CCNB3: variants seen among roughly 807,000 people sequenced by gnomAD.
The protein encoded by CCNB3 is G2/mitotic-specific cyclin-B3.
In CCNB3, 12 loss-of-function variants were observed where a neutral mutation model predicts 68.0. The observed-to-expected ratio is 0.18, with a 90% CI of 0.11 to 0.29. CCNB3 has a LOEUF of 0.29. Among genes scored for constraint, CCNB3 ranks in the 10% least tolerant of loss-of-function variants. The pLI, the probability that CCNB3 is intolerant of heterozygous loss-of-function variation, is 1.00. For synonymous variants in CCNB3, 354 were observed against 388.9 expected (o/e 0.91, Z 1.06); for missense variants, 904 against 993.1 (o/e 0.91, Z 1.21).
At position 50,225,195 on chromosome X, in the gene CCNB3, C is replaced by T. The variant is rs1307332211; in HGVS notation, c.-113+20245C>T. ...AGGGAAGGCCTCTCTGAAGAGGGGA[C>T]GTTTAAGCTGAGACTTGATCCTTGA... On this transcript the variant is annotated intron_variant, in intron 1 of 12. Transcript: ENST00000376042. Among the ~76,000 whole-genome samples the T allele has an allele frequency of 3.6e-5, 4 of 110,747 alleles. No homozygotes were observed. In the South Asian group the frequency reaches 1.2e-3, roughly 32 times the overall value.
chrX:50,343,849 C>G (rs186813723), intron 9 of CCNB3, among the ~76,000 whole-genome samples: 6 of 112,129 alleles, frequency 5.4e-5, no homozygotes, highest in Non-Finnish European at 1.1e-4. Flanking sequence ...TTACAGTAAG[C>G]TAAGGTTAAT....
At chrX:50,322,684 G>T (rs1465116957) in intron 8 of CCNB3, among the ~76,000 whole-genome samples, 2 of 111,925 alleles carry the variant, frequency 1.8e-5, no homozygotes, top group Non-Finnish European at 3.8e-5. Flanking sequence ...CTGACAAAGG[G>T]CTAATATCCA....
At chrX:50,313,991 T>C in intron 8 of CCNB3, 43 bp downstream of exon 8, 1 of 1,032,478 alleles carries the variant, frequency 9.7e-7, no homozygotes, top group Non-Finnish European at 1.4e-6. Flanking sequence ...CTGTTCTCTT[T>C]CTCATTCAGG....
At chrX:50,332,610 G>A (rs1922652089) in intron 8 of CCNB3, among the ~76,000 whole-genome samples, 1 of 111,388 alleles carries the variant, frequency 9.0e-6, no homozygotes, top group Non-Finnish European at 1.9e-5. Flanking sequence ...CTTTGCAGGG[G>A]TTGTCCAGGC....
chrX:50,279,221 C>G (rs1936022856), intron 1 of CCNB3, among the ~76,000 whole-genome samples: 1 of 53,583 alleles, frequency 1.9e-5, no homozygotes, highest in African/African-American at 8.6e-5. Flanking sequence ...TATATATATT[C>G]ATATATAAAT....
At position 50,311,149 on chromosome X, in the gene CCNB3, A is replaced by G. The variant is rs1557214863; in HGVS notation, c.2980A>G (p.Met994Val). The G allele has an allele frequency of 8.3e-7, 1 of 1,209,395 alleles. No individual in the cohort carries two copies. ...SITSKSSIAT[M>V]TSVGKSGTIN... ...AACCAGCAAGTCCAGCATTGCTACC[A>G]TGACCAGTGTGGGCAAATCTGGTAC... is the stretch of plus-strand genomic sequence containing the variant. Residue 994 changes from methionine to valine, a missense_variant, in exon 6 of 13, where the codon ATG becomes GTG. By Grantham distance (21) the Met-to-Val change is conservative (BLOSUM62 1). This residue lies in a region of CCNB3 where 285 missense variants were observed against 383.4 expected (regional missense o/e 0.74). Coordinates refer to ENST00000376042, the MANE Select transcript of CCNB3 (RefSeq NM_033031.3).
intron 1 of CCNB3, among the ~76,000 whole-genome samples, chrX:50,225,704 C>A (rs1935743542): frequency 9.2e-6 from 1 of 109,257 alleles, no homozygotes; most frequent in African/African-American, 3.3e-5. Context: ...CGATACCCAG[C>A]TTTCTGGCTT....
intron 1 of CCNB3, among the ~76,000 whole-genome samples, chrX:50,282,838 T>G (rs1936164950): frequency 9.0e-6 from 1 of 111,438 alleles, no homozygotes; most frequent in Admixed American, 9.6e-5. Flanking sequence ...TCCGTATTTC[T>G]TTTTCCTTTT....
chrX:50,304,981 C>T (rs1382174292), intron 5 of CCNB3, among the ~76,000 whole-genome samples: 2 of 111,391 alleles, frequency 1.8e-5, no homozygotes, highest in African/African-American at 3.3e-5. Context: ...GTTAGAATGG[C>T]GATCATTAAA....
rs1373418754 is a variant in CCNB3 at position 50,347,531 on chromosome X, A to G, written c.3811-95A>G. Reference sequence around the variant, plus strand: ...AGGCACATTACTCAAACAGAGGGCCACTGAGGCTCGGGATGATGTAACTGG... The same window carrying G: ...AGGCACATTACTCAAACAGAGGGCCGCTGAGGCTCGGGATGATGTAACTGG... On this transcript the variant is annotated intron_variant, in intron 10 of 12. Coordinates refer to ENST00000376042, the MANE Select transcript of CCNB3 (RefSeq NM_033031.3). 8.0e-6 allele frequency: 7 copies of G among 879,676 alleles called. No individual in the cohort carries two copies. The Admixed American group carries it at 1.1e-4, about 13-fold the overall frequency. The allele number at this position is 879,676 out of a possible 1,213,427, so 72.5% of individuals were successfully genotyped here. A position where few individuals can be genotyped will look rare whatever the true frequency, so the allele number is the denominator to read the frequency against.
chrX:50,309,471 A>G lies in CCNB3; in HGVS notation c.1302A>G (p.Glu434=), dbSNP rs375406438. The change falls in exon 6 of 13, where the codon GAA becomes GAG. Residue 434 remains glutamate (E), a synonymous_variant. Coordinates refer to ENST00000376042, the MANE Select transcript of CCNB3 (RefSeq NM_033031.3). Reference sequence around the variant, plus strand: ...CTGAGAAGGAGTCCTTTTCCCAGGAACCATCTGCATTGCAAAAGAAGCACA... The same window carrying G: ...CTGAGAAGGAGTCCTTTTCCCAGGAGCCATCTGCATTGCAAAAGAAGCACA... ...PSTEKESFSQ[E]PSALQKKHTT... 4 of 1,211,697 alleles carry G rather than the reference A, an allele frequency of 3.3e-6. No homozygotes were observed. The South Asian group carries it at 7.0e-5, about 21-fold the overall frequency.
At chrX:50,335,239 G>A (rs948732886) in intron 8 of CCNB3, among the ~76,000 whole-genome samples, 16 of 112,140 alleles carry the variant, frequency 1.4e-4, no homozygotes, top group South Asian at 7.4e-4. Flanking sequence ...ACCTGACTCC[G>A]GATCTTCCCA....
At chrX:50,300,225 T>A (rs1462109236) in intron 5 of CCNB3, among the ~76,000 whole-genome samples, 1 of 111,568 alleles carries the variant, frequency 9.0e-6, no homozygotes, top group Non-Finnish European at 1.9e-5. Flanking sequence ...TTTCTTCCTA[T>A]CCTTGACGGT....
intron 8 of CCNB3, among the ~76,000 whole-genome samples, chrX:50,314,461 T>G (rs987768248): frequency 1.8e-5 from 2 of 111,793 alleles, no homozygotes; most frequent in East Asian, 5.6e-4. Flanking sequence ...TAGCATATAG[T>G]AGGGGGTCAG....
At chrX:50,323,492 A>C (rs1557216861) in intron 8 of CCNB3, among the ~76,000 whole-genome samples, 1 of 110,856 alleles carries the variant, frequency 9.0e-6, no homozygotes, top group East Asian at 2.9e-4. Context: ...GGTGCAGCAC[A>C]CCAACATGGC....
chrX:50,227,715 AAT>A (rs1935916561), intron 1 of CCNB3, among the ~76,000 whole-genome samples: 1 of 93,229 alleles, frequency 1.1e-5, no homozygotes, highest in Non-Finnish European at 2.1e-5. Context: ...TATATATATA[AAT>A]ATATAGAGAG....
At chrX:50,328,399 G>A (rs1342197562) in intron 8 of CCNB3, among the ~76,000 whole-genome samples, 1 of 112,028 alleles carries the variant, frequency 8.9e-6, no homozygotes, top group Non-Finnish European at 1.9e-5. Context: ...TGCAGAAGGT[G>A]AAGCAGGAGG....
chrX:50,347,587 C>G (rs781881557), intron 10 of CCNB3, 39 bp from the exon 11 acceptor site: 2 of 1,180,237 alleles, frequency 1.7e-6, no homozygotes, highest in African/African-American at 3.5e-5. Context: ...TGCCAGTTTT[C>G]TAAATTGATT....
intron 1 of CCNB3, among the ~76,000 whole-genome samples, chrX:50,205,313 G>A (rs189093752): frequency 1.8e-5 from 2 of 111,611 alleles, no homozygotes; most frequent in Middle Eastern, 4.7e-3. Flanking sequence ...GTGGTAGCGC[G>A]CGCCTGTAGT....
Sources: allele counts gnomAD v4.1 joint callset (sites outside exome capture counted in the v4.1 genomes callset), GRCh38; gene constraint gnomAD v4.1.1; regional missense constraint gnomAD v4.1.1; transcripts MANE v1.5; gene names NCBI Gene and HGNC (gene_info 2026-07-23, HGNC 2026-07-21).